The following TTC7B variants were observed in gnomAD, a reference collection of about 807,000 sequenced individuals.
TTC7B encodes the protein tetratricopeptide repeat domain 7B.
A neutral mutation model predicts 106.8 loss-of-function variants in TTC7B; 28 were observed. The ratio of observed to expected loss-of-function variants is 0.26; its 90% CI spans 0.19 to 0.36. The LOEUF (loss-of-function observed/expected upper bound fraction) is 0.36. TTC7B is among the 10% of genes least tolerant of loss of function. TTC7B has a pLI of 1.00. For missense variants in TTC7B, 862 were observed against 1,076.4 expected (o/e 0.80, Z 2.79); for synonymous variants, 405 against 430.6 (o/e 0.94, Z 0.74).
intron 5 of TTC7B, chr14:90,698,358 C>T (rs1169616535): frequency 1.3e-5 from 2 of 152,160 alleles, no homozygotes; most frequent in South Asian, 4.1e-4. Flanking sequence ...TATCTTCAAA[C>T]TGTTAGTTAA....
intron 18 of TTC7B, chr14:90,585,898 C>G (rs1442501392): frequency 2.6e-5 from 4 of 152,334 alleles, no homozygotes; most frequent in African/African-American, 7.2e-5. Flanking sequence ...CCAACACTCC[C>G]ATACATCAGG....
In TTC7B at chr14:90,575,545, G is replaced by A. The variant is rs1201741678; in HGVS notation, c.2310+2561C>T. Among the ~76,000 whole-genome samples, 1 of 152,190 alleles carries A rather than the reference G, an allele frequency of 6.6e-6. No homozygotes were observed. The highest frequency in any genetic ancestry group is 2.4e-5 in the African/African-American group (1 of 41,442). The stretch of plus-strand genomic sequence containing the variant: ...GCTGAAGAGCCTGTGGGGTCCATGG[G>A]CTGCCCCTCCACAGGCACCAGAGGG... On this transcript the variant is annotated intron_variant, in intron 19 of 19. Coordinates refer to ENST00000328459, the MANE Select transcript of TTC7B (RefSeq NM_001010854.2). The surrounding 1 kb of genome is among the most constrained non-coding windows in gnomAD (Gnocchi z 5.2).
At chr14:90,726,798 A>G (rs1595325283) in intron 5 of TTC7B, among the ~76,000 whole-genome samples, 1 of 152,094 alleles carries the variant, frequency 6.6e-6, no homozygotes, top group Admixed American at 6.5e-5. Context: ...TTCTGCTTTC[A>G]CCCTCTGCGG....
At chr14:90,606,911 G>A (rs1015302568) in intron 17 of TTC7B, among the ~76,000 whole-genome samples, 4 of 152,138 alleles carry the variant, frequency 2.6e-5, no homozygotes, top group African/African-American at 9.7e-5. Flanking sequence ...AGGCTGCACT[G>A]TATAAGGACC....
intron 3 of TTC7B, among the ~76,000 whole-genome samples, chr14:90,765,409 C>T (rs1036258350): frequency 2.6e-5 from 4 of 152,136 alleles, no homozygotes. Context: ...TTGCACAACT[C>T]TGAATATACT....
Position 90,528,094 on chromosome 14 carries a change from C to T in TTC7B, c.*13274G>A, listed in dbSNP as rs1889189854. 1.3e-5 allele frequency: 2 copies of T among 152,086 alleles called. No individual in the cohort carries two copies. The highest frequency in any genetic ancestry group is 1.3e-4 in the Admixed American group (2 of 15,286). The allele number at this position is 152,086 out of a possible 1,614,324, so 9.4% of individuals were successfully genotyped here. A position where few individuals can be genotyped will look rare whatever the true frequency, so the allele number is the denominator to read the frequency against. On this transcript the variant is annotated 3_prime_UTR_variant, in exon 20 of 20. Transcript: ENST00000328459. The stretch of plus-strand genomic sequence containing the variant: ...GGTTTCTCTCTGTGGATGACATAGC[C>T]ATGGGGTCGCCTGCTGCCTCCCGGT...
intron 9 of TTC7B, among the ~76,000 whole-genome samples, chr14:90,665,612 C>A (rs1886380861): frequency 6.6e-6 from 1 of 152,216 alleles, no homozygotes; most frequent in Non-Finnish European, 1.5e-5. Flanking sequence ...ATTCTGCATC[C>A]AAATCCCACT....
chr14:90,531,736 C>G lies in TTC7B; in HGVS notation c.*9632G>C, dbSNP rs1285608247. 6.6e-6 allele frequency: 1 copy of G among 151,636 alleles called. No individual in the cohort carries two copies. The highest frequency in any genetic ancestry group is 1.9e-4 in the East Asian group (1 of 5,174). 9.4% of individuals were successfully genotyped at this position (151,636 alleles called of 1,614,324 possible). On this transcript the variant is annotated 3_prime_UTR_variant, in exon 20 of 20. Coordinates refer to ENST00000328459, the MANE Select transcript of TTC7B (RefSeq NM_001010854.2). Reference sequence around the variant, plus strand: ...TCCAGATCCAAAGGACAAGCTGGCTCAAGATTTTGAAAGCAATGAAGTGAA... The same window carrying G: ...TCCAGATCCAAAGGACAAGCTGGCTGAAGATTTTGAAAGCAATGAAGTGAA...
At chr14:90,691,284 T>C (rs1255273694) in intron 6 of TTC7B, among the ~76,000 whole-genome samples, 6 of 152,210 alleles carry the variant, frequency 3.9e-5, no homozygotes, top group Middle Eastern at 6.3e-3. Flanking sequence ...GCTTGTTCAC[T>C]ACTAGATAGC....
At chr14:90,761,672 G>A (rs140806622) in intron 3 of TTC7B, among the ~76,000 whole-genome samples, 9 of 152,302 alleles carry the variant, frequency 5.9e-5, no homozygotes, top group African/African-American at 1.9e-4. Flanking sequence ...TGCAATGGGC[G>A]ATTACACTCC....
intron 7 of TTC7B, among the ~76,000 whole-genome samples, chr14:90,688,988 T>C (rs8010113): frequency 2.0e-5 from 3 of 152,094 alleles, no homozygotes; most frequent in African/African-American, 7.2e-5. Flanking sequence ...CTATAGTGAT[T>C]CTCTGGCCCA....
In TTC7B at chr14:90,541,016, T is replaced by A. The variant is rs1889554042; in HGVS notation, c.*352A>T. On this transcript the variant is annotated 3_prime_UTR_variant, in exon 20 of 20. Coordinates refer to ENST00000328459, the MANE Select transcript of TTC7B (RefSeq NM_001010854.2). The stretch of plus-strand genomic sequence containing the variant: ...TTCTTTACAGCTCTGATAAAAATAA[T>A]CTGTGCTGCCACTGAATTTTAACTT... 1 of 232,332 alleles carries A rather than the reference T, an allele frequency of 4.3e-6. No homozygotes were observed. The highest frequency in any genetic ancestry group is 5.5e-5 in the Admixed American group (1 of 18,134). 14.4% of individuals were successfully genotyped at this position (232,332 alleles called of 1,614,324 possible).
rs565939436 is a variant in TTC7B, at chr14:90,766,590, C to T, written c.445+14148G>A. 1.0e-4 allele frequency: 87 copies of T among 838,886 alleles called. No individual in the cohort carries two copies. In the African/African-American group the frequency reaches 1.1e-3, roughly 10 times the overall value. The allele number at this position is 838,886 out of a possible 1,614,324, so 52.0% of individuals were successfully genotyped here. On this transcript the variant is annotated intron_variant, in intron 3 of 19. Coordinates refer to ENST00000328459, the MANE Select transcript of TTC7B (RefSeq NM_001010854.2). ...TTTTGTGAGTACTCAACACCATCAT[C>T]GATGGGCAGTGGAAAACAGCCTTTA...
chr14:90,697,121 C>T (rs932747980), intron 5 of TTC7B, among the ~76,000 whole-genome samples: 6 of 152,184 alleles, frequency 3.9e-5, no homozygotes, highest in African/African-American at 1.4e-4. Context: ...TAAGCTGTGA[C>T]TGAGGCAACA....
At chr14:90,747,351 T>C (rs1028953443) in intron 3 of TTC7B, among the ~76,000 whole-genome samples, 1 of 152,226 alleles carries the variant, frequency 6.6e-6, no homozygotes, top group African/African-American at 2.4e-5. Context: ...TTCTGCCCTA[T>C]GTGCCTTTTT....
chr14:90,642,246 G>C (rs1463840815), intron 15 of TTC7B, among the ~76,000 whole-genome samples: 2 of 152,066 alleles, frequency 1.3e-5, no homozygotes, highest in South Asian at 2.1e-4. Context: ...TCTAGTCAGA[G>C]GTTTCCTGGA....
intron 16 of TTC7B, among the ~76,000 whole-genome samples, chr14:90,615,433 G>A (rs1242488216): frequency 1.3e-5 from 2 of 152,192 alleles, no homozygotes; most frequent in Admixed American, 6.5e-5. Context: ...AGTCAGCACA[G>A]ACCAGCTCCG....
intron 1 of TTC7B, among the ~76,000 whole-genome samples, chr14:90,787,997 T>TA (rs2140042846): frequency 6.6e-6 from 1 of 152,190 alleles, no homozygotes; most frequent in East Asian, 1.9e-4. Context: ...ACCCGGTATC[T>TA]ACTAAAAATA....
intron 9 of TTC7B, among the ~76,000 whole-genome samples, chr14:90,669,596 TA>T: frequency 6.6e-6 from 1 of 151,228 alleles, no homozygotes; most frequent in Non-Finnish European, 1.5e-5. Flanking sequence ...GTTTATTATT[TA>T]GACTTTAAAA....
Sources: gnomAD v4.1 joint callset for allele counts (sites outside exome capture counted in the v4.1 genomes callset) on GRCh38, gnomAD v4.1.1 for gene constraint, Gnocchi (gnomAD v3.1) non-coding constraint, MANE v1.5 for transcripts, NCBI Gene and HGNC (gene_info 2026-07-23, HGNC 2026-07-21) for gene names.